Variants in ADAMTSL1 observed in about 807,000 individuals in gnomAD.
The protein encoded by ADAMTSL1 is ADAMTS-like protein 1.
A neutral mutation model predicts 201.8 loss-of-function variants in ADAMTSL1; 126 were observed. The ratio of observed to expected loss-of-function variants is 0.62; its 90% CI spans 0.54 to 0.72. The LOEUF (loss-of-function observed/expected upper bound fraction) is 0.72. ADAMTSL1 is among the 30% of genes least tolerant of loss of function. The pLI is 0.00. For synonymous variants in ADAMTSL1, 1,121 were observed against 903.4 expected, an observed-to-expected ratio of 1.24 and a Z score of -4.32; for missense variants, 2,679 against 2,277.8, an observed-to-expected ratio of 1.18 and a Z score of -3.59.
At chr9:18,190,312 C>G (rs1828919559) in intron 2 of ADAMTSL1, among the ~76,000 whole-genome samples, 1 of 152,128 alleles carries the variant, frequency 6.6e-6, no homozygotes, top group Non-Finnish European at 1.5e-5. Context: ...TTACGCTTGT[C>G]CAACCAACTC....
chr9:18,897,187 C>G (rs12005219), intron 26 of ADAMTSL1, among the ~76,000 whole-genome samples: 4,189 of 152,276 alleles, frequency 0.028, 183 homozygotes, highest in South Asian at 0.085. Flanking sequence ...TTCAGCAACT[C>G]CAACCTGGGT....
At chr9:17,965,831 C>G (rs1817959971) in intron 1 of ADAMTSL1, among the ~76,000 whole-genome samples, 1 of 152,132 alleles carries the variant, frequency 6.6e-6, no homozygotes, top group African/African-American at 2.4e-5. Context: ...TCAGAACTCT[C>G]AGATATCCCA....
chr9:18,628,031 C>T (rs1442818803), intron 5 of ADAMTSL1, among the ~76,000 whole-genome samples: 2 of 152,122 alleles, frequency 1.3e-5, no homozygotes, highest in Non-Finnish European at 2.9e-5. Context: ...GAAATATTTT[C>T]TCCATCATAG....
Position 17,940,249 on chromosome 9 carries a change from G to A in ADAMTSL1, c.87+33327G>A, listed in dbSNP as rs933608538. 1.8e-4 allele frequency among the ~76,000 whole-genome samples: 27 copies of A among 152,014 alleles called. 1 individual carries two copies. The highest frequency in any genetic ancestry group is 7.9e-4 in the Admixed American group (12 of 15,240). On this transcript the variant is annotated intron_variant, in intron 1 of 29. Transcript: ENST00000680146. ...TTGTTTTTGAGATTGTAACCTTTAC[G>A]TCATTGTAGAGGGTAGATTTGAGAA...
At chr9:18,405,676 TA>T in intron 2 of ADAMTSL1, among the ~76,000 whole-genome samples, 1 of 152,134 alleles carries the variant, frequency 6.6e-6, no homozygotes, top group East Asian at 1.9e-4. Flanking sequence ...CAAGTTAATT[TA>T]AAACTATTAT....
intron 4 of ADAMTSL1, among the ~76,000 whole-genome samples, chr9:18,579,629 T>C (rs1822970322): frequency 6.6e-6 from 1 of 152,220 alleles, no homozygotes; most frequent in Non-Finnish European, 1.5e-5. Context: ...CATGATTTAA[T>C]ATGGGTACAC....
At chr9:18,506,442 G>C (rs971770044) in intron 2 of ADAMTSL1, among the ~76,000 whole-genome samples, 1 of 152,120 alleles carries the variant, frequency 6.6e-6, no homozygotes. Flanking sequence ...AAGAAACAAA[G>C]GGGAATTTTC....
chr9:18,841,020 C>A (rs11506212), intron 23 of ADAMTSL1, among the ~76,000 whole-genome samples: 55,489 of 139,138 alleles, frequency 0.4, 10,637 homozygotes, highest in Non-Finnish European at 0.42. Flanking sequence ...TAATTGAATA[C>A]CCTTTATTTC....
intron 2 of ADAMTSL1, among the ~76,000 whole-genome samples, chr9:18,266,402 G>A (rs1350122676): frequency 6.6e-6 from 1 of 152,144 alleles, no homozygotes; most frequent in Non-Finnish European, 1.5e-5. Context: ...CAAGAGAACT[G>A]AATGAGCCTC....
At chr9:18,008,850 A>C (rs980138127) in intron 1 of ADAMTSL1, among the ~76,000 whole-genome samples, 1 of 152,030 alleles carries the variant, frequency 6.6e-6, no homozygotes, top group Non-Finnish European at 1.5e-5. Context: ...CAGGAGATTC[A>C]GAACTGATTT....
chr9:18,412,723 G>C (rs1818498942), intron 2 of ADAMTSL1, among the ~76,000 whole-genome samples: 1 of 152,130 alleles, frequency 6.6e-6, no homozygotes, highest in African/African-American at 2.4e-5. Flanking sequence ...TAGGCCACTA[G>C]AAGCCCCTTC....
chr9:18,436,489 C>G (rs1001497407), intron 2 of ADAMTSL1, among the ~76,000 whole-genome samples: 1 of 152,080 alleles, frequency 6.6e-6, no homozygotes, highest in Non-Finnish European at 1.5e-5. Context: ...CCTTCTTTAC[C>G]TTGCACCACG....
In ADAMTSL1 at chr9:17,930,709, TG is replaced by T. The variant is rs201506355; in HGVS notation, c.87+23789del. ...AAAATAGGAGTGTGAGTTTTGTTTG[TG>T]GAGAAGTTTTTGCCTGCTTCATCAT... On this transcript the variant is annotated intron_variant, in intron 1 of 29. Transcript: ENST00000680146. Among the ~76,000 whole-genome samples the T allele has an allele frequency of 4.8e-3, 737 of 152,302 alleles. 8 individuals are homozygous for T. The highest frequency in any genetic ancestry group is 0.017 in the African/African-American group (697 of 41,566).
intron 4 of ADAMTSL1, among the ~76,000 whole-genome samples, chr9:18,586,964 A>G (rs1823535372): frequency 2.0e-5 from 3 of 152,200 alleles, no homozygotes. Flanking sequence ...TTAAAGACTT[A>G]AATGTAAAAC....
intron 1 of ADAMTSL1, among the ~76,000 whole-genome samples, chr9:18,120,165 A>G (rs1825437367): frequency 6.6e-6 from 1 of 152,200 alleles, no homozygotes; most frequent in African/African-American, 2.4e-5. Context: ...ACTGGGCCAC[A>G]GGATACCCTT....
chr9:18,304,934 C>G (rs1389703978), intron 2 of ADAMTSL1, among the ~76,000 whole-genome samples: 1 of 133,642 alleles, frequency 7.5e-6, no homozygotes, highest in Non-Finnish European at 1.6e-5. Flanking sequence ...TGAATAGGAA[C>G]AGCTCCGATC....
intron 1 of ADAMTSL1, among the ~76,000 whole-genome samples, chr9:18,486,600 G>T (rs1329397525): frequency 6.6e-6 from 1 of 152,136 alleles, no homozygotes; most frequent in Non-Finnish European, 1.5e-5. Flanking sequence ...AGCTACTCAG[G>T]AGGCTGAGGT....
At chr9:18,714,877 G>A (rs1312149965) in intron 14 of ADAMTSL1, among the ~76,000 whole-genome samples, 298 of 150,810 alleles carry the variant, frequency 2.0e-3, no homozygotes, top group Non-Finnish European at 3.4e-3. Context: ...AAATCCAGCA[G>A]CACATCAAAA....
chr9:18,637,686 T>G (rs913880557), intron 6 of ADAMTSL1, among the ~76,000 whole-genome samples: 2 of 152,148 alleles, frequency 1.3e-5, no homozygotes, highest in Admixed American at 6.6e-5. Context: ...GTATTTGAAA[T>G]ATAATTCAGC....
Sources: allele counts gnomAD v4.1 joint callset (sites outside exome capture counted in the v4.1 genomes callset), GRCh38; gene constraint gnomAD v4.1.1; transcripts MANE v1.5; gene names NCBI Gene and HGNC (gene_info 2026-07-23, HGNC 2026-07-21).